AKT3: variants seen among roughly 807,000 people sequenced by gnomAD.
AKT3 encodes the protein AKT serine/threonine kinase 3, also known as RAC-gamma serine/threonine-protein kinase.
Under a neutral mutation model 65.3 loss-of-function variants are expected in AKT3, and 15 were observed. The observed-to-expected ratio is 0.23, with a 90% CI of 0.15 to 0.35. The LOEUF is 0.35. Ranked by LOEUF, AKT3 falls within the 10% of genes least tolerant of loss-of-function variation. The pLI is 1.00. For synonymous variants in AKT3, 206 were observed against 183.8 expected (o/e 1.12, Z -0.98); for missense variants, 243 against 576.5 (o/e 0.42, Z 5.92).
At chr1:243,768,786 GA>G (rs1193750655) in intron 2 of AKT3, among the ~76,000 whole-genome samples, 2 of 143,404 alleles carry the variant, frequency 1.4e-5, no homozygotes, top group East Asian at 4.1e-4. Context: ...AGTGAGCAAA[GA>G]TCACGCCTGT....
intron 13 of AKT3, among the ~76,000 whole-genome samples, chr1:243,492,295 CTTTTT>C (rs33950392): frequency 7.9e-5 from 5 of 63,124 alleles, no homozygotes; most frequent in East Asian, 1.1e-3. Context: ...CGTTTCTTGG[CTTTTT>C]TTTTTTTTTT....
intron 3 of AKT3, among the ~76,000 whole-genome samples, chr1:243,678,775 T>A (rs1192169892): frequency 6.6e-6 from 1 of 152,190 alleles, no homozygotes; most frequent in Non-Finnish European, 1.5e-5. Flanking sequence ...TCACATACTG[T>A]TTTTAGGATG....
chr1:243,697,939 C>G (rs1289478597), intron 2 of AKT3, among the ~76,000 whole-genome samples: 1 of 150,798 alleles, frequency 6.6e-6, no homozygotes, highest in Non-Finnish European at 1.5e-5. Flanking sequence ...GTATCCTCCA[C>G]ATAAGTATGT....
At chr1:243,515,262 C>T (rs771883738) in intron 12 of AKT3, among the ~76,000 whole-genome samples, 1 of 152,136 alleles carries the variant, frequency 6.6e-6, no homozygotes, top group Admixed American at 6.5e-5. Context: ...TTTATGTCCA[C>T]GTCTTTGTGT....
intron 2 of AKT3, among the ~76,000 whole-genome samples, chr1:243,762,791 G>A (rs1470816124): frequency 6.6e-6 from 1 of 151,994 alleles, no homozygotes; most frequent in Non-Finnish European, 1.5e-5. Flanking sequence ...AGAGCTTTCA[G>A]GATTAGGGCC....
intron 2 of AKT3, among the ~76,000 whole-genome samples, chr1:243,716,184 A>G (rs1448933372): frequency 6.6e-6 from 1 of 152,114 alleles, no homozygotes. Context: ...CTTTACCTAA[A>G]GGGGAATAGG....
At chr1:243,661,374 A>T (rs1682312624) in intron 4 of AKT3, among the ~76,000 whole-genome samples, 1 of 152,250 alleles carries the variant, frequency 6.6e-6, no homozygotes, top group Non-Finnish European at 1.5e-5. Context: ...AGATCAATGG[A>T]ACAGAACAGG....
chr1:243,812,764 C>G (rs2148402040), intron 2 of AKT3, among the ~76,000 whole-genome samples: 1 of 152,132 alleles, frequency 6.6e-6, no homozygotes, highest in South Asian at 2.1e-4. Flanking sequence ...AGACCTGGAA[C>G]CAACCCAAAT....
Position 243,667,589 on chromosome 1 carries a change from C to T in AKT3, c.173-2706G>A, listed in dbSNP as rs1225223919. Reference sequence around the variant, plus strand: ...CAGACTAAGCCATCATTGTCTCTCACCTGATGATTCCAAAAAACTTAGAAT... The same window carrying T: ...CAGACTAAGCCATCATTGTCTCTCATCTGATGATTCCAAAAAACTTAGAAT... On this transcript the variant is annotated intron_variant, in intron 3 of 13. Transcript: ENST00000673466. Among the ~76,000 whole-genome samples, 8 of 152,182 alleles carry T rather than the reference C, an allele frequency of 5.3e-5. No individual in the cohort carries two copies. The East Asian group carries it at 1.5e-3, about 29-fold the overall frequency.
At chr1:243,745,846 C>T (rs1348802694) in intron 2 of AKT3, among the ~76,000 whole-genome samples, 1 of 152,018 alleles carries the variant, frequency 6.6e-6, no homozygotes, top group Admixed American at 6.5e-5. Flanking sequence ...AAGGAATTTC[C>T]GATACATGCC....
chr1:243,796,624 T>A (rs896037011), intron 2 of AKT3, among the ~76,000 whole-genome samples: 9 of 152,190 alleles, frequency 5.9e-5, no homozygotes, highest in Non-Finnish European at 1.2e-4. Flanking sequence ...CTGACAACAC[T>A]GGCCTAGACC....
intron 4 of AKT3, among the ~76,000 whole-genome samples, chr1:243,655,939 T>C (rs1414431733): frequency 6.6e-6 from 1 of 152,206 alleles, no homozygotes; most frequent in Non-Finnish European, 1.5e-5. Context: ...CCAATAAATC[T>C]TAGCCTTATC....
At chr1:243,843,068 C>T in intron 2 of AKT3, 57 bp downstream of exon 2, 1 of 1,568,278 alleles carries the variant, frequency 6.4e-7, no homozygotes, top group Admixed American at 1.7e-5. Context: ...TTCTAAGACA[C>T]CACTCACTGC....
chr1:243,797,061 T>G (rs1009220916), intron 2 of AKT3, among the ~76,000 whole-genome samples: 2 of 152,126 alleles, frequency 1.3e-5, no homozygotes, highest in Non-Finnish European at 2.9e-5. Flanking sequence ...GGTGAATGGT[T>G]GCAAAACAAT....
At chr1:243,683,630 G>C (rs1015450928) in intron 3 of AKT3, among the ~76,000 whole-genome samples, 5 of 152,048 alleles carry the variant, frequency 3.3e-5, no homozygotes, top group African/African-American at 7.2e-5. Context: ...GTTGATTGCT[G>C]ACCTTCGAAA....
At chr1:243,807,432 G>A (rs555362748) in intron 2 of AKT3, among the ~76,000 whole-genome samples, 23 of 152,318 alleles carry the variant, frequency 1.5e-4, no homozygotes, top group Admixed American at 8.5e-4. Flanking sequence ...AGCCTCGCTC[G>A]TTGCTAGCAC....
intron 6 of AKT3, among the ~76,000 whole-genome samples, chr1:243,615,400 G>A (rs1678220713): frequency 6.6e-6 from 1 of 152,062 alleles, no homozygotes; most frequent in Admixed American, 6.6e-5. Context: ...CTTAATCAAA[G>A]TATATCAATA....
At chr1:243,537,632 C>T (rs918483465) in intron 12 of AKT3, among the ~76,000 whole-genome samples, 1 of 152,164 alleles carries the variant, frequency 6.6e-6, no homozygotes, top group Non-Finnish European at 1.5e-5. Context: ...CCATAAGAGT[C>T]TATTCCAACA....
chr1:243,754,087 T>C (rs1435412549), intron 2 of AKT3, among the ~76,000 whole-genome samples: 4 of 152,194 alleles, frequency 2.6e-5, no homozygotes, highest in African/African-American at 7.2e-5. Flanking sequence ...TAGAGCACGC[T>C]TTCACTCTCA....
Sources: gnomAD v4.1 joint callset for allele counts (sites outside exome capture counted in the v4.1 genomes callset) on GRCh38, gnomAD v4.1.1 for gene constraint, MANE v1.5 for transcripts, NCBI Gene and HGNC (gene_info 2026-07-23, HGNC 2026-07-21) for gene names.